ZNF10: variants seen among roughly 807,000 people sequenced by gnomAD.
ZNF10 encodes zinc finger protein 10 (KOX 1).
ZNF10 carries 8 observed loss-of-function variants against 12.2 expected under a neutral mutation model. The observed-to-expected ratio is 0.66, with a 90% confidence interval of 0.39 to 1.18. The LOEUF (loss-of-function observed/expected upper bound fraction) is 1.18. ZNF10 is among the 50% of genes most tolerant of loss of function. The pLI, the probability that ZNF10 is intolerant of heterozygous loss-of-function variation, is 0.01. For synonymous variants in ZNF10, 229 were observed against 228.2 expected (o/e 1.00, Z -0.03); for missense variants, 603 against 678.9 (o/e 0.89, Z 1.24).
chr12:133,153,464 T>C (rs1956020591), intron 4 of ZNF10, among the ~76,000 whole-genome samples: 1 of 152,150 alleles, frequency 6.6e-6, no homozygotes, highest in Non-Finnish European at 1.5e-5. Context: ...ACCCCCCTTA[T>C]CATAGATATT....
chr12:133,151,938 G>A (rs767814976), intron 4 of ZNF10, 34 bp downstream of exon 4: 43 of 1,566,706 alleles, frequency 2.7e-5, no homozygotes, highest in Non-Finnish European at 3.5e-5. Context: ...ATAGGCAGCA[G>A]CCCAGATGGG....
At chr12:133,132,356 G>C (rs1256695729) in intron 1 of ZNF10, among the ~76,000 whole-genome samples, 1 of 147,096 alleles carries the variant, frequency 6.8e-6, no homozygotes, top group Non-Finnish European at 1.5e-5. Flanking sequence ...TGCAACCTCT[G>C]CCTCCTGGGT....
In ZNF10 at chr12:133,158,474, ATGT is replaced by A. The variant is rs1475700482; in HGVS notation, c.*1510_*1512del. 6.6e-6 allele frequency: 1 copy of A among 152,218 alleles called. No homozygotes were observed. The highest frequency in any genetic ancestry group is 1.5e-5 in the Non-Finnish European group (1 of 68,048). The allele number at this position is 152,218 out of a possible 1,614,324, so 9.4% of individuals were successfully genotyped here. On this transcript the variant is annotated 3_prime_UTR_variant, in exon 5 of 5. Transcript: ENST00000248211. ...TCTGAGGATCAATAAACAGCTTGTA[ATGT>A]TGTATACACATTTATTCTGTTTGTA...
At position 133,130,767 on chromosome 12, in the gene ZNF10, G is replaced by A. The variant is rs1417292995; in HGVS notation, c.-60+13G>A. ...TTGCTTATTGCAGGTATATACGAAA[G>A]TGCTGAATTTTGTGTTTGCATCGTC... On this transcript the variant is annotated intron_variant, in intron 1 of 4. Coordinates refer to ENST00000248211, the MANE Select transcript of ZNF10 (RefSeq NM_015394.5). 2.0e-5 allele frequency: 3 copies of A among 152,360 alleles called. No individual in the cohort carries two copies. The highest frequency in any genetic ancestry group is 2.9e-5 in the Non-Finnish European group (2 of 68,084). The allele number at this position is 152,360 out of a possible 1,614,324, so 9.4% of individuals were successfully genotyped here. A position where few individuals can be genotyped will look rare whatever the true frequency, so the allele number is the denominator to read the frequency against.
intron 1 of ZNF10, 35 bp from the exon 2 acceptor site, chr12:133,144,399 A>T: frequency 7.1e-7 from 1 of 1,404,284 alleles, no homozygotes; most frequent in Admixed American, 1.9e-5. Flanking sequence ...TCCCAGTCAT[A>T]GCAAACTTAA....
intron 2 of ZNF10, among the ~76,000 whole-genome samples, chr12:133,146,737 C>T (rs1955978450): frequency 6.6e-6 from 1 of 151,882 alleles, no homozygotes; most frequent in African/African-American, 2.4e-5. Flanking sequence ...ACTCAGGTAC[C>T]TGGGAGGCTG....
chr12:133,140,904 A>G (rs1484966052), intron 1 of ZNF10, among the ~76,000 whole-genome samples: 1 of 151,846 alleles, frequency 6.6e-6, no homozygotes, highest in Non-Finnish European at 1.5e-5. Context: ...GGAGATCTGC[A>G]AAGGTTCTCC....
chr12:133,154,502 TATATA>T (rs754423109), intron 4 of ZNF10, among the ~76,000 whole-genome samples: 11 of 152,216 alleles, frequency 7.2e-5, no homozygotes, highest in Non-Finnish European at 1.5e-4. Flanking sequence ...GCTCATGCTT[TATATA>T]ATATAATAAT....
chr12:133,140,962 T>C (rs145910030), intron 1 of ZNF10, among the ~76,000 whole-genome samples: 57 of 152,200 alleles, frequency 3.7e-4, no homozygotes, highest in Middle Eastern at 6.8e-3. Flanking sequence ...GTGAGGAAAC[T>C]ACTTGAGCCA....
intron 4 of ZNF10, among the ~76,000 whole-genome samples, chr12:133,152,405 A>C (rs954528208): frequency 6.6e-5 from 10 of 151,670 alleles, no homozygotes. Flanking sequence ...AGTTTTTCCT[A>C]CTGTACTTTA....
chr12:133,142,362 A>C (rs889443745), intron 1 of ZNF10, among the ~76,000 whole-genome samples: 1 of 142,330 alleles, frequency 7.0e-6, no homozygotes, highest in Non-Finnish European at 1.5e-5. Flanking sequence ...GTGAACTGAG[A>C]TCTTGCCACT....
At chr12:133,151,785 T>C (rs764766267) in intron 3 of ZNF10, 24 bp from the exon 4 acceptor site, 2 of 1,604,314 alleles carry the variant, frequency 1.2e-6, no homozygotes, top group African/African-American at 2.7e-5. Context: ...TCTTACCCTG[T>C]TCTTTGTCTT....
intron 1 of ZNF10, among the ~76,000 whole-genome samples, chr12:133,133,174 C>G (rs1955890469): frequency 6.6e-6 from 1 of 152,144 alleles, no homozygotes; most frequent in African/African-American, 2.4e-5. Context: ...TTAAGTATAT[C>G]TTTGCCATGT....
chr12:133,142,410 CAAAAA>C (rs370374280), intron 1 of ZNF10, among the ~76,000 whole-genome samples: 3 of 108,638 alleles, frequency 2.8e-5, no homozygotes, highest in Admixed American at 1.1e-4. Context: ...ACTCCGTCTC[CAAAAA>C]AAAAAAAAAA....
At position 133,152,478 on chromosome 12, in the gene ZNF10, G is replaced by C. The variant is rs1037310680; in HGVS notation, c.256+574G>C. 3.9e-5 allele frequency among the ~76,000 whole-genome samples: 6 copies of C among 152,190 alleles called. No homozygotes were observed. In the East Asian group the frequency reaches 1.2e-3, roughly 29 times the overall value. On this transcript the variant is annotated intron_variant, in intron 4 of 4. Coordinates refer to ENST00000248211, the MANE Select transcript of ZNF10 (RefSeq NM_015394.5). Reference sequence around the variant, plus strand: ...CTCCCAGGCTGGAGTGTAGTGGCGCGATCTAGGCTCACTGCAACCTCCGCC... The same window carrying C: ...CTCCCAGGCTGGAGTGTAGTGGCGCCATCTAGGCTCACTGCAACCTCCGCC...
intron 2 of ZNF10, among the ~76,000 whole-genome samples, chr12:133,146,833 G>A (rs1347465094): frequency 6.6e-6 from 1 of 151,346 alleles, no homozygotes; most frequent in Admixed American, 6.6e-5. Flanking sequence ...GTGAAAGAGC[G>A]AAACTCCATC....
At chr12:133,155,085 A>G (rs1437915470) in intron 4 of ZNF10, among the ~76,000 whole-genome samples, 5 of 152,138 alleles carry the variant, frequency 3.3e-5, no homozygotes, top group Admixed American at 1.3e-4. Context: ...TCAAAAAAAA[A>G]AAAAAGAGAG....
At chr12:133,137,271 C>T (rs1048733397) in intron 1 of ZNF10, among the ~76,000 whole-genome samples, 1 of 152,126 alleles carries the variant, frequency 6.6e-6, no homozygotes, top group African/African-American at 2.4e-5. Context: ...ACACAGCTAC[C>T]CCTAGAAGAG....
chr12:133,134,312 CA>C (rs922562262), intron 1 of ZNF10, among the ~76,000 whole-genome samples: 67 of 138,286 alleles, frequency 4.8e-4, no homozygotes, highest in Admixed American at 7.2e-4. Context: ...GACTCCCTCT[CA>C]AAAAAAAAAA....
Sources: allele counts gnomAD v4.1 joint callset (sites outside exome capture counted in the v4.1 genomes callset), GRCh38; gene constraint gnomAD v4.1.1; transcripts MANE v1.5; gene names NCBI Gene and HGNC (gene_info 2026-07-23, HGNC 2026-07-21).